PCDH15: variants seen among roughly 807,000 people sequenced by gnomAD.
PCDH15 encodes protocadherin-15.
A neutral mutation model predicts 178.5 loss-of-function variants in PCDH15; 129 were observed. The observed-to-expected ratio is 0.72, with a 90% CI of 0.63 to 0.84. The LOEUF (loss-of-function observed/expected upper bound fraction) is 0.84, where lower values mean the gene tolerates loss of function less well. Among genes scored for constraint, PCDH15 ranks in the 40% least tolerant of loss-of-function variants. The pLI, the probability that PCDH15 is intolerant of heterozygous loss-of-function variation, is 0.00. For synonymous variants in PCDH15, 800 were observed against 732.0 expected (o/e 1.09, Z -1.50); for missense variants, 2,230 against 2,099.9 (o/e 1.06, Z -1.21).
intron 2 of PCDH15, among the ~76,000 whole-genome samples, chr10:54,578,461 G>C (rs919023529): frequency 2.0e-5 from 3 of 152,054 alleles, no homozygotes; most frequent in African/African-American, 7.2e-5. Context: ...GATTTTAGCA[G>C]ATTTTTGTAA....
At chr10:54,416,722 A>G (rs1954464528) in intron 3 of PCDH15, among the ~76,000 whole-genome samples, 1 of 152,178 alleles carries the variant, frequency 6.6e-6, no homozygotes, top group African/African-American at 2.4e-5. Context: ...CAATGGCTGA[A>G]CTAATTTACA....
intron 1 of PCDH15, among the ~76,000 whole-genome samples, chr10:54,742,105 T>C (rs1314205096): frequency 6.6e-6 from 1 of 152,082 alleles, no homozygotes; most frequent in Non-Finnish European, 1.5e-5. Context: ...GCAGAATATG[T>C]ACCATCACTA....
chr10:55,275,022 T>C (rs934139077), intron 1 of PCDH15, among the ~76,000 whole-genome samples: 2 of 152,108 alleles, frequency 1.3e-5, no homozygotes, highest in Admixed American at 1.3e-4. Flanking sequence ...TCCCATTTCC[T>C]GCTGTTTTCT....
intron 2 of PCDH15, among the ~76,000 whole-genome samples, chr10:54,645,067 G>A (rs1252508631): frequency 6.6e-6 from 1 of 152,136 alleles, no homozygotes; most frequent in Non-Finnish European, 1.5e-5. Context: ...TTCTGTTTTT[G>A]TTGTGGCAGG....
chr10:55,159,339 C>T (rs1838988689), intron 2 of PCDH15, among the ~76,000 whole-genome samples: 1 of 26,870 alleles, frequency 3.7e-5, no homozygotes, highest in Non-Finnish European at 1.4e-4. Flanking sequence ...GGTAAGATTA[C>T]CATATCTATC....
intron 35 of PCDH15, 55 bp from the exon 36 acceptor site, chr10:53,811,674 G>T: frequency 8.7e-7 from 1 of 1,143,594 alleles, no homozygotes. Flanking sequence ...CACGTTTCAG[G>T]TCAAAGTCAG....
chr10:53,963,128 A>G (rs2134318646), intron 21 of PCDH15, among the ~76,000 whole-genome samples: 1 of 152,298 alleles, frequency 6.6e-6, no homozygotes, highest in East Asian at 1.9e-4. Flanking sequence ...AACTGTTCTG[A>G]GAACATTGCT....
At chr10:54,818,418 A>G (rs905834558) in intron 3 of PCDH15, among the ~76,000 whole-genome samples, 29 of 152,024 alleles carry the variant, frequency 1.9e-4, no homozygotes, top group Non-Finnish European at 5.9e-5. Flanking sequence ...TTTTCTTATT[A>G]AGAGGCAGAG....
intron 2 of PCDH15, among the ~76,000 whole-genome samples, chr10:55,094,854 C>A (rs1454149667): frequency 2.0e-5 from 3 of 150,964 alleles, no homozygotes; most frequent in African/African-American, 7.3e-5. Flanking sequence ...ATGAGAAAAC[C>A]AAATATCTGA....
intron 2 of PCDH15, among the ~76,000 whole-genome samples, chr10:55,033,920 T>C (rs1257346965): frequency 1.3e-5 from 2 of 152,102 alleles, no homozygotes; most frequent in African/African-American, 4.8e-5. Flanking sequence ...TAGATGTCTT[T>C]ATTAAAGGGC....
chr10:54,246,499 T>C (rs1444758918), intron 8 of PCDH15, among the ~76,000 whole-genome samples: 1 of 151,928 alleles, frequency 6.6e-6, no homozygotes, highest in Admixed American at 6.6e-5. Flanking sequence ...TGCATATAAT[T>C]AAGTGCAGTA....
At chr10:54,836,718 A>G (rs1953323656) in intron 3 of PCDH15, among the ~76,000 whole-genome samples, 1 of 152,124 alleles carries the variant, frequency 6.6e-6, no homozygotes, top group Non-Finnish European at 1.5e-5. Flanking sequence ...AAAAGATAAC[A>G]ATAGATTGAG....
intron 5 of PCDH15, among the ~76,000 whole-genome samples, chr10:54,355,452 T>C (rs1163027624): frequency 6.6e-6 from 1 of 151,886 alleles, no homozygotes; most frequent in Non-Finnish European, 1.5e-5. Flanking sequence ...TATGGCACAG[T>C]GTCTTGTTTA....
intron 18 of PCDH15, among the ~76,000 whole-genome samples, chr10:54,059,396 C>G (rs1054320689): frequency 2.0e-5 from 3 of 152,152 alleles, no homozygotes; most frequent in African/African-American, 7.2e-5. Context: ...ACAGACCCAG[C>G]TTTACCCTAT....
intron 1 of PCDH15, among the ~76,000 whole-genome samples, chr10:55,261,601 A>C (rs1842146216): frequency 6.6e-6 from 1 of 152,208 alleles, no homozygotes; most frequent in African/African-American, 2.4e-5. Context: ...CCATATAATT[A>C]TATAAACTTA....
At chr10:54,028,888 T>C (rs554527730) in intron 18 of PCDH15, among the ~76,000 whole-genome samples, 13 of 151,070 alleles carry the variant, frequency 8.6e-5, no homozygotes, top group African/African-American at 3.2e-4. Flanking sequence ...TGTATACATA[T>C]GTAACTAACC....
chr10:54,766,900 A>C (rs1228021692), intron 1 of PCDH15, among the ~76,000 whole-genome samples: 3 of 151,984 alleles, frequency 2.0e-5, no homozygotes, highest in Non-Finnish European at 2.9e-5. Flanking sequence ...ACTGCACTCC[A>C]GCCTGGGCGA....
chr10:54,846,286 G>C (rs1591738107), intron 3 of PCDH15, among the ~76,000 whole-genome samples: 1 of 152,076 alleles, frequency 6.6e-6, no homozygotes, highest in Non-Finnish European at 1.5e-5. Context: ...TAAAAGAATG[G>C]ATAATCTTCT....
At chr10:55,145,776 C>T (rs745593593) in intron 2 of PCDH15, among the ~76,000 whole-genome samples, 284 of 152,080 alleles carry the variant, frequency 1.9e-3, no homozygotes, top group Middle Eastern at 3.4e-3. Flanking sequence ...ATATTATTTT[C>T]CTACTGAATA....
Sources: gnomAD v4.1 joint callset for allele counts (sites outside exome capture counted in the v4.1 genomes callset) on GRCh38, gnomAD v4.1.1 for gene constraint, MANE v1.5 for transcripts, NCBI Gene and HGNC (gene_info 2026-07-23, HGNC 2026-07-21) for gene names.